The following PDGFA variants were observed in gnomAD, a reference collection of about 807,000 sequenced individuals.
PDGFA encodes platelet-derived growth factor subunit A.
A neutral mutation model predicts 25.6 loss-of-function variants in PDGFA; 9 were observed. The ratio of observed to expected loss-of-function variants is 0.35; its 90% CI spans 0.21 to 0.61. PDGFA has a LOEUF of 0.61. Among genes scored for constraint, PDGFA ranks in the 20% least tolerant of loss-of-function variants. The probability of loss-of-function intolerance (pLI) is 0.75; values close to 1 mark genes in which losing one functional copy is unlikely to be tolerated. For missense variants in PDGFA, 242 were observed against 272.8 expected (o/e 0.89, Z 0.79); for synonymous variants, 133 against 111.8 (o/e 1.19, Z -1.20).
At chr7:518,045 C>T (rs1783188304) in intron 1 of PDGFA, among the ~76,000 whole-genome samples, 3 of 152,064 alleles carry the variant, frequency 2.0e-5, no homozygotes, top group Admixed American at 1.3e-4. Context: ...ATCTCACTCA[C>T]ACACTCGCCC....
intron 2 of PDGFA, among the ~76,000 whole-genome samples, chr7:516,548 G>A (rs1361095955): frequency 6.6e-6 from 1 of 152,174 alleles, no homozygotes; most frequent in Non-Finnish European, 1.5e-5. Flanking sequence ...CCCAGGCCGA[G>A]TGCTCATTTT....
At chr7:510,147 C>T (rs999814161) in intron 4 of PDGFA, among the ~76,000 whole-genome samples, 7 of 152,178 alleles carry the variant, frequency 4.6e-5, no homozygotes, top group African/African-American at 9.7e-5. Context: ...CTCGACACCT[C>T]GCAAGGCCCA....
chr7:501,360 C>G, intron 4 of PDGFA, 118 bp from the exon 5 acceptor site: 1 of 1,227,950 alleles, frequency 8.1e-7, no homozygotes. Context: ...CCCTGACCTC[C>G]TCCCAGAAAC....
At chr7:509,673 C>T (rs1396740209) in intron 4 of PDGFA, among the ~76,000 whole-genome samples, 2 of 152,180 alleles carry the variant, frequency 1.3e-5, no homozygotes, top group Admixed American at 1.3e-4. Flanking sequence ...ATCCCCCGCC[C>T]CTCACACTGA....
upstream of PDGFA, chr7:519,486 C>G (rs1380416969): frequency 6.6e-6 from 1 of 152,472 alleles, no homozygotes; most frequent in East Asian, 1.9e-4. Context: ...TGGCCCGGCC[C>G]CGGCTGCGAG....
chr7:502,172 G>C (rs999882707), intron 4 of PDGFA, among the ~76,000 whole-genome samples: 8 of 152,004 alleles, frequency 5.3e-5, no homozygotes, highest in Non-Finnish European at 1.0e-4. Flanking sequence ...CAGTGAGCTG[G>C]TATCACACCA....
chr7:500,750 A>C lies in PDGFA; in HGVS notation c.580+366T>G. On this transcript the variant is annotated intron_variant, in intron 5 of 5. Transcript: ENST00000402802. This position sits in a 1 kb window ranked among gnomAD's most constrained non-coding sequence, Gnocchi z 5.0. The stretch of plus-strand genomic sequence containing the variant: ...GACCCCAGCCAGCCAGGGCAACTGC[A>C]GTCCTCGAACCTGCTCCTCCCGCCC... 2.1e-6 allele frequency: 3 copies of C among 1,437,654 alleles called. No individual in the cohort carries two copies. The highest frequency in any genetic ancestry group is 2.7e-6 in the Non-Finnish European group (3 of 1,099,916). The allele number at this position is 1,437,654 out of a possible 1,614,324, so 89.1% of individuals were successfully genotyped here. A position where few individuals can be genotyped will look rare whatever the true frequency, so the allele number is the denominator to read the frequency against.
intron 2 of PDGFA, among the ~76,000 whole-genome samples, chr7:513,635 G>A (rs535408323): frequency 5.9e-5 from 9 of 152,200 alleles, no homozygotes; most frequent in East Asian, 1.9e-4. Flanking sequence ...GGGAAGTCCC[G>A]GTCACCAATC....
At chr7:516,962 C>G (rs974239095) in intron 2 of PDGFA, among the ~76,000 whole-genome samples, 11 of 151,716 alleles carry the variant, frequency 7.3e-5, no homozygotes, top group African/African-American at 2.4e-4. Flanking sequence ...GCCGCCTCCG[C>G]CCGCCCGCCC....
intron 4 of PDGFA, among the ~76,000 whole-genome samples, chr7:510,530 C>A (rs866690163): frequency 1.1e-5 from 1 of 92,676 alleles, no homozygotes; most frequent in Non-Finnish European, 2.1e-5. Context: ...CTTGACGCTG[C>A]GGTGGTGGAC....
chr7:519,245 T>G (rs1457393420), exon 1 of PDGFA: 2 of 91,562 alleles, frequency 2.2e-5, no homozygotes, highest in South Asian at 2.5e-4. Flanking sequence ...GGGAGCCTCC[T>G]GGGCCGCCGG....
At chr7:510,899 G>A (rs1193890017) in exon 4 of PDGFA, 3 of 1,612,586 alleles carry the variant, frequency 1.9e-6, no homozygotes, top group South Asian at 1.1e-5. Flanking sequence ...CCACGCACGG[G>A]GGCCAGATCA....
intron 4 of PDGFA, among the ~76,000 whole-genome samples, chr7:503,818 G>A (rs113342503): frequency 0.04 from 6,115 of 152,238 alleles, 154 homozygotes; most frequent in Non-Finnish European, 0.062. Context: ...GGCGTGGGGC[G>A]CCTGGGGTCA....
At chr7:515,063 C>T (rs576203676) in intron 2 of PDGFA, among the ~76,000 whole-genome samples, 38 of 152,324 alleles carry the variant, frequency 2.5e-4, no homozygotes, top group Non-Finnish European at 4.9e-4. Context: ...AAAGCCCCAC[C>T]CACCTGGAGG....
intron 4 of PDGFA, among the ~76,000 whole-genome samples, chr7:507,687 G>A (rs140951108): frequency 0.031 from 4,795 of 152,282 alleles, 103 homozygotes; most frequent in South Asian, 0.084. Context: ...CAGGCATCCC[G>A]GACTCAGAGC....
At chr7:507,526 A>G (rs1004573382) in intron 4 of PDGFA, among the ~76,000 whole-genome samples, 1 of 152,220 alleles carries the variant, frequency 6.6e-6, no homozygotes, top group African/African-American at 2.4e-5. Context: ...CTGTAGGGCC[A>G]AGCCCTCCTA....
chr7:519,914 GCC>G (rs758427523), upstream of PDGFA: 1,480 of 59,490 alleles, frequency 0.025, 38 homozygotes, highest in East Asian at 0.11. Context: ...CCCCGCCCCC[GCC>G]CCCCCCCCCC....
intron 2 of PDGFA, chr7:512,879 C>T (rs1057323013): frequency 6.4e-5 from 18 of 283,438 alleles, no homozygotes; most frequent in African/African-American, 3.5e-4. Context: ...AGCCAGGCCC[C>T]ACCTCTGTCT....
In PDGFA at chr7:500,540, G is replaced by T. The variant is rs369716807; in HGVS notation, c.580+576C>A. On this transcript the variant is annotated intron_variant, in intron 5 of 5. Transcript: ENST00000402802. This position sits in a 1 kb window ranked among gnomAD's most constrained non-coding sequence, Gnocchi z 5.0. Reference sequence around the variant, plus strand: ...CAGGGCGGTGAGTGGGCCGAGGGACGGCCGTCGGGGTGAAGAACTGAAGCA... The same window carrying T: ...CAGGGCGGTGAGTGGGCCGAGGGACTGCCGTCGGGGTGAAGAACTGAAGCA... The T allele has an allele frequency of 7.4e-6, 12 of 1,613,276 alleles. No homozygotes were observed. The South Asian group carries it at 7.7e-5, about 10-fold the overall frequency.
Sources: allele counts gnomAD v4.1 joint callset (sites outside exome capture counted in the v4.1 genomes callset), GRCh38; gene constraint gnomAD v4.1.1; non-coding constraint Gnocchi (gnomAD v3.1); transcripts MANE v1.5; gene names NCBI Gene and HGNC (gene_info 2026-07-23, HGNC 2026-07-21).